Variants in LRMDA observed in about 807,000 individuals in gnomAD.
The protein encoded by LRMDA is leucine-rich melanocyte differentiation-associated protein.
A neutral mutation model predicts 29.8 loss-of-function variants in LRMDA; 18 were observed. The observed-to-expected ratio is 0.60, with a 90% CI of 0.42 to 0.90. The LOEUF (loss-of-function observed/expected upper bound fraction) is 0.90, where lower values mean the gene tolerates loss of function less well. Ranked by LOEUF, LRMDA falls within the 40% of genes least tolerant of loss-of-function variation. The pLI is 0.00. For missense variants in LRMDA, 273 were observed against 273.9 expected, an observed-to-expected ratio of 1.00 and a Z score of 0.02; for synonymous variants, 125 against 109.4, an observed-to-expected ratio of 1.14 and a Z score of -0.89.
At chr10:75,939,740 C>T (rs188769700) in intron 2 of LRMDA, among the ~76,000 whole-genome samples, 81 of 152,202 alleles carry the variant, frequency 5.3e-4, no homozygotes, top group African/African-American at 1.9e-3. Flanking sequence ...AGGCCAGATC[C>T]GGACTTTGGG....
At chr10:76,058,859 T>G (rs1379992393) in intron 5 of LRMDA, 76 bp downstream of exon 5, 1 of 1,140,690 alleles carries the variant, frequency 8.8e-7, no homozygotes, top group Non-Finnish European at 1.3e-6. Context: ...GCATGCAGAA[T>G]GTCCTCTGAG....
At chr10:75,653,314 T>C (rs1396993446) in intron 2 of LRMDA, among the ~76,000 whole-genome samples, 1 of 152,200 alleles carries the variant, frequency 6.6e-6, no homozygotes, top group East Asian at 1.9e-4. Flanking sequence ...TTAGTTCTCA[T>C]ATAATGTGCT....
intron 2 of LRMDA, among the ~76,000 whole-genome samples, chr10:75,589,849 T>A (rs2132083034): frequency 6.6e-6 from 1 of 152,080 alleles, no homozygotes. Flanking sequence ...TTAATTTTGT[T>A]TGTGCATGTG....
intron 5 of LRMDA, among the ~76,000 whole-genome samples, chr10:76,180,331 G>C (rs538162771): frequency 7.1e-6 from 1 of 139,912 alleles, no homozygotes; most frequent in African/African-American, 2.7e-5. Context: ...TGTCACCCCG[G>C]CTGGAGTGCA....
chr10:76,410,612 C>G (rs1364298766), intron 6 of LRMDA, among the ~76,000 whole-genome samples: 3 of 151,942 alleles, frequency 2.0e-5, no homozygotes, highest in Admixed American at 6.5e-5. Flanking sequence ...GCCCAGCCCC[C>G]ATCAAGAAGC....
chr10:75,683,301 G>A (rs1842045894), intron 2 of LRMDA, among the ~76,000 whole-genome samples: 1 of 152,208 alleles, frequency 6.6e-6, no homozygotes, highest in Non-Finnish European at 1.5e-5. Flanking sequence ...AGGGAAACAT[G>A]TAGATCGTCT....
At chr10:76,221,961 GC>G (rs1360201357) in intron 5 of LRMDA, among the ~76,000 whole-genome samples, 3 of 151,650 alleles carry the variant, frequency 2.0e-5, no homozygotes, top group Non-Finnish European at 4.4e-5. Context: ...CAGAAATAAC[GC>G]CACGTATCTA....
At chr10:75,635,899 C>A (rs929910073) in intron 2 of LRMDA, among the ~76,000 whole-genome samples, 3 of 152,018 alleles carry the variant, frequency 2.0e-5, no homozygotes, top group African/African-American at 7.2e-5. Flanking sequence ...TTTTGAGAAG[C>A]CATGTCCAAA....
intron 5 of LRMDA, chr10:76,241,908 G>A (rs773437502): frequency 2.6e-5 from 4 of 152,204 alleles, no homozygotes; most frequent in Non-Finnish European, 5.9e-5. Context: ...CTCACAGGAT[G>A]GTTGTGAAGA....
intron 5 of LRMDA, among the ~76,000 whole-genome samples, chr10:76,294,159 T>C (rs1840384100): frequency 6.6e-6 from 1 of 152,174 alleles, no homozygotes; most frequent in Non-Finnish European, 1.5e-5. Flanking sequence ...TGGTATTAAG[T>C]TTTTGGGCCT....
intron 6 of LRMDA, among the ~76,000 whole-genome samples, chr10:76,365,401 C>T (rs1424870709): frequency 2.6e-5 from 4 of 152,028 alleles, no homozygotes; most frequent in East Asian, 1.9e-4. Context: ...TGCATCCATT[C>T]CAACATCTAC....
At chr10:75,815,882 C>T (rs1373886425) in intron 2 of LRMDA, among the ~76,000 whole-genome samples, 1 of 152,166 alleles carries the variant, frequency 6.6e-6, no homozygotes, top group African/African-American at 2.4e-5. Flanking sequence ...GAAAAAGATA[C>T]TGCTGTTATC....
chr10:75,925,535 A>G (rs1413944317), intron 2 of LRMDA, among the ~76,000 whole-genome samples: 1 of 115,592 alleles, frequency 8.7e-6, no homozygotes, highest in Non-Finnish European at 1.8e-5. Context: ...ATAATTTTAC[A>G]TTTGGTTTAG....
At chr10:76,296,208 C>G (rs2132354253) in intron 5 of LRMDA, among the ~76,000 whole-genome samples, 1 of 152,302 alleles carries the variant, frequency 6.6e-6, no homozygotes, top group South Asian at 2.1e-4. Flanking sequence ...ATTATATTAA[C>G]TATCAAATAA....
chr10:75,545,406 A>G (rs1029565035), intron 2 of LRMDA, among the ~76,000 whole-genome samples: 1 of 152,158 alleles, frequency 6.6e-6, no homozygotes, highest in African/African-American at 2.4e-5. Flanking sequence ...ACACACTTGG[A>G]TCAAGATGAT....
chr10:75,783,653 A>G (rs576363578), intron 2 of LRMDA, among the ~76,000 whole-genome samples: 33 of 152,268 alleles, frequency 2.2e-4, no homozygotes, highest in African/African-American at 7.7e-4. Context: ...TGTAAGTATT[A>G]ACCTTTTTGA....
intron 5 of LRMDA, among the ~76,000 whole-genome samples, chr10:76,129,198 C>T (rs1042264727): frequency 2.6e-5 from 4 of 152,114 alleles, no homozygotes; most frequent in Non-Finnish European, 5.9e-5. Flanking sequence ...GCTGCTGGCC[C>T]ACCCATTATT....
intron 2 of LRMDA, among the ~76,000 whole-genome samples, chr10:75,943,585 T>C (rs909894366): frequency 6.6e-6 from 1 of 152,228 alleles, no homozygotes; most frequent in African/African-American, 2.4e-5. Flanking sequence ...AGAATGTGAA[T>C]TGATCTCCTG....
intron 6 of LRMDA, among the ~76,000 whole-genome samples, chr10:76,464,588 A>G (rs1458443032): frequency 6.6e-6 from 1 of 152,228 alleles, no homozygotes; most frequent in Non-Finnish European, 1.5e-5. Flanking sequence ...CCTCTCTTCC[A>G]GCTCATCTGT....
Sources: allele counts gnomAD v4.1 joint callset (sites outside exome capture counted in the v4.1 genomes callset), GRCh38; gene constraint gnomAD v4.1.1; transcripts MANE v1.5; gene names NCBI Gene and HGNC (gene_info 2026-07-23, HGNC 2026-07-21).